Variants in RAPGEF2 observed in about 807,000 individuals in gnomAD.
RAPGEF2 encodes PDZ domain containing guanine nucleotide exchange factor (GEF) 1.
A neutral mutation model predicts 186.7 loss-of-function variants in RAPGEF2; 54 were observed. That is an observed-to-expected ratio of 0.29 (90% CI 0.23 to 0.36). The LOEUF is 0.36. Ranked by LOEUF, RAPGEF2 falls within the 10% of genes least tolerant of loss-of-function variation. The pLI, the probability that RAPGEF2 is intolerant of heterozygous loss-of-function variation, is 1.00. For synonymous variants in RAPGEF2, 712 were observed against 705.9 expected, an observed-to-expected ratio of 1.01 and a Z score of -0.14; for missense variants, 1,532 against 2,045.0, an observed-to-expected ratio of 0.75 and a Z score of 4.84.
chr4:159,155,107 C>T (rs1269355173), intron 1 of RAPGEF2, among the ~76,000 whole-genome samples: 1 of 152,046 alleles, frequency 6.6e-6, no homozygotes, highest in East Asian at 1.9e-4. Context: ...TAAATCTCCC[C>T]AGAGATTAAC....
intron 1 of RAPGEF2, among the ~76,000 whole-genome samples, chr4:159,137,482 C>T (rs184893163): frequency 6.6e-6 from 1 of 152,252 alleles, no homozygotes; most frequent in East Asian, 1.9e-4. Context: ...GATTACCTCC[C>T]AGAGGCCTCC....
intron 7 of RAPGEF2, among the ~76,000 whole-genome samples, chr4:159,292,599 G>A (rs1203129328): frequency 6.6e-6 from 1 of 152,016 alleles, no homozygotes; most frequent in Non-Finnish European, 1.5e-5. Context: ...TCTTCCTAAT[G>A]AAATAAGTTT....
At chr4:159,131,734 A>G (rs1741134878) in intron 1 of RAPGEF2, among the ~76,000 whole-genome samples, 1 of 151,666 alleles carries the variant, frequency 6.6e-6, no homozygotes, top group Non-Finnish European at 1.5e-5. Context: ...GGGTTTTCTC[A>G]GCAGTCCTAC....
chr4:159,147,256 CAT>C (rs1444583159), intron 1 of RAPGEF2, among the ~76,000 whole-genome samples: 1 of 151,816 alleles, frequency 6.6e-6, no homozygotes, highest in African/African-American at 2.4e-5. Flanking sequence ...AAAAAGCAAA[CAT>C]GTTAATATAA....
chr4:159,337,734 A>C (rs1174786375), intron 17 of RAPGEF2, among the ~76,000 whole-genome samples: 1 of 150,912 alleles, frequency 6.6e-6, no homozygotes, highest in East Asian at 1.9e-4. Context: ...CTCAAAATAC[A>C]AAAAAATTAG....
At position 159,350,297 on chromosome 4, in the gene RAPGEF2, T is replaced by G; in HGVS notation, c.3865+8T>G. The G allele has an allele frequency of 6.5e-7, 1 of 1,536,630 alleles. No individual in the cohort carries two copies. The highest frequency in any genetic ancestry group is 8.7e-7 in the Non-Finnish European group (1 of 1,144,402). ...AGAGTTCTCCAAGGAAAGGTAGAAT[T>G]AAATTACTTTTTGTTTTCTTGTATT... On this transcript the variant is annotated splice_region_variant and intron_variant, in intron 26 of 29. Coordinates refer to ENST00000691494, the MANE Select transcript of RAPGEF2 (RefSeq NM_001394067.2).
intron 9 of RAPGEF2, among the ~76,000 whole-genome samples, chr4:159,317,393 A>G (rs1050729162): frequency 1.3e-5 from 2 of 152,142 alleles, no homozygotes; most frequent in East Asian, 1.9e-4. Flanking sequence ...GTTGCAGTCT[A>G]TTAGGGGAGA....
chr4:159,117,548 C>A (rs1421174542), intron 1 of RAPGEF2, among the ~76,000 whole-genome samples: 1 of 151,450 alleles, frequency 6.6e-6, no homozygotes, highest in Non-Finnish European at 1.5e-5. Flanking sequence ...TTTTAAAAGT[C>A]CTTGTTCCTA....
chr4:159,123,949 G>A (rs537937017), intron 1 of RAPGEF2, among the ~76,000 whole-genome samples: 4 of 152,100 alleles, frequency 2.6e-5, no homozygotes, highest in East Asian at 3.9e-4. Flanking sequence ...TCTGCCTCCC[G>A]GGTTCAAGCA....
At chr4:159,197,425 CCACA>C (rs34284421) in intron 3 of RAPGEF2, among the ~76,000 whole-genome samples, 1 of 151,576 alleles carries the variant, frequency 6.6e-6, no homozygotes, top group Non-Finnish European at 1.5e-5. Context: ...GTTTAAGTGT[CCACA>C]CACACACACG....
chr4:159,241,906 T>C (rs1754056034), intron 6 of RAPGEF2, among the ~76,000 whole-genome samples: 1 of 152,152 alleles, frequency 6.6e-6, no homozygotes, highest in Non-Finnish European at 1.5e-5. Context: ...CTCTGAGATT[T>C]ATTTTTTAAT....
At chr4:159,203,135 A>G (rs892039330) in intron 3 of RAPGEF2, among the ~76,000 whole-genome samples, 23 of 152,154 alleles carry the variant, frequency 1.5e-4, no homozygotes, top group Admixed American at 1.4e-3. Flanking sequence ...GTGGAGCGGC[A>G]CACACAGCTC....
At chr4:159,354,575 G>C (rs946784486) in intron 28 of RAPGEF2, among the ~76,000 whole-genome samples, 5 of 152,236 alleles carry the variant, frequency 3.3e-5, no homozygotes, top group Non-Finnish European at 7.3e-5. Flanking sequence ...TAATGACTAA[G>C]AGCACGGGTT....
intron 1 of RAPGEF2, among the ~76,000 whole-genome samples, chr4:159,115,323 C>T (rs1242857346): frequency 6.6e-6 from 1 of 152,016 alleles, no homozygotes; most frequent in African/African-American, 2.4e-5. Context: ...ACATAAATCA[C>T]TTGTTTTCTG....
At position 159,104,139 on chromosome 4, in the gene RAPGEF2, C is replaced by G; in HGVS notation, c.-24C>G. 1 of 1,504,074 alleles carries G rather than the reference C, an allele frequency of 6.6e-7. No individual in the cohort carries two copies. 93.2% of individuals were successfully genotyped at this position (1,504,074 alleles called of 1,614,324 possible). On this transcript the variant is annotated 5_prime_UTR_variant, in exon 1 of 30. Coordinates refer to ENST00000691494, the MANE Select transcript of RAPGEF2 (RefSeq NM_001394067.2). ...GGAGGCCGGCCAGGGTGCGGAGCGG[C>G]CCCGGCCCGCTCCCAGAGGGGAGAT...
At chr4:159,294,018 C>A (rs115255962) in intron 7 of RAPGEF2, among the ~76,000 whole-genome samples, 2 of 152,320 alleles carry the variant, frequency 1.3e-5, no homozygotes, top group Non-Finnish European at 2.9e-5. Flanking sequence ...TCTAGCGATG[C>A]ACCCAGCAAG....
At chr4:159,239,619 C>G (rs1035844715) in intron 5 of RAPGEF2, among the ~76,000 whole-genome samples, 1 of 152,014 alleles carries the variant, frequency 6.6e-6, no homozygotes, top group Non-Finnish European at 1.5e-5. Flanking sequence ...AAAACCAAAC[C>G]TGTCATACTT....
At chr4:159,212,552 T>C (rs1433468564) in intron 4 of RAPGEF2, among the ~76,000 whole-genome samples, 2 of 152,296 alleles carry the variant, frequency 1.3e-5, no homozygotes, top group African/African-American at 4.8e-5. Context: ...CTTATTCTGG[T>C]TAAAGAATAT....
At chr4:159,307,447 G>A (rs902148065) in intron 8 of RAPGEF2, among the ~76,000 whole-genome samples, 1 of 151,990 alleles carries the variant, frequency 6.6e-6, no homozygotes, top group Non-Finnish European at 1.5e-5. Flanking sequence ...AACATTTATC[G>A]AAGAGTTCCC....
Sources: gnomAD v4.1 joint callset for allele counts (sites outside exome capture counted in the v4.1 genomes callset) on GRCh38, gnomAD v4.1.1 for gene constraint, MANE v1.5 for transcripts, NCBI Gene and HGNC (gene_info 2026-07-23, HGNC 2026-07-21) for gene names.